The following ODR4 variants were observed in gnomAD, a reference collection of about 807,000 sequenced individuals.
ODR4 encodes the protein odr-4 GPCR localization factor homolog.
A neutral mutation model predicts 60.2 loss-of-function variants in ODR4; 47 were observed. The observed-to-expected ratio is 0.78, with a 90% CI of 0.62 to 1.00. The LOEUF is 1.00. Ranked by LOEUF, ODR4 falls within the 50% of genes least tolerant of loss-of-function variation. The pLI is 0.00. For missense variants in ODR4, 488 were observed against 530.8 expected (o/e 0.92, Z 0.79); for synonymous variants, 178 against 175.5 (o/e 1.01, Z -0.11).
At chr1:186,395,751 C>T (rs938947977) in intron 9 of ODR4, among the ~76,000 whole-genome samples, 10 of 152,078 alleles carry the variant, frequency 6.6e-5, no homozygotes, top group Admixed American at 6.6e-4. Context: ...TCTACTCTAT[C>T]CTGTTTATAC....
chr1:186,404,714 C>T (rs959563078), intron 11 of ODR4, among the ~76,000 whole-genome samples: 5 of 152,150 alleles, frequency 3.3e-5, no homozygotes, highest in Non-Finnish European at 5.9e-5. Context: ...GGAAGGAACA[C>T]GTAGTTTAAG....
intron 12 of ODR4, among the ~76,000 whole-genome samples, chr1:186,409,011 AGTT>A: frequency 1.3e-5 from 1 of 75,448 alleles, no homozygotes; most frequent in Non-Finnish European, 3.4e-5. Context: ...TTTAACAAAC[AGTT>A]AGTAACAGAG....
At chr1:186,430,592 A>G in the ODR4 span, among the ~76,000 whole-genome samples, 1 of 152,194 alleles carries the variant, frequency 6.6e-6, no homozygotes, top group African/African-American at 2.4e-5. Context: ...TTTAACAAAA[A>G]TAACCAACAT....
At chr1:186,380,443 T>C (rs1362659930) in intron 2 of ODR4, among the ~76,000 whole-genome samples, 1 of 152,136 alleles carries the variant, frequency 6.6e-6, no homozygotes, top group Non-Finnish European at 1.5e-5. Context: ...AATTTCCTCT[T>C]AGAGCTGAGT....
chr1:186,404,027 A>C (rs1398324077), intron 11 of ODR4, among the ~76,000 whole-genome samples: 1 of 152,218 alleles, frequency 6.6e-6, no homozygotes, highest in Non-Finnish European at 1.5e-5. Flanking sequence ...ATTCTAAAAA[A>C]AAATTCTATG....
At position 186,419,031 on chromosome 1, in the gene ODR4, T is replaced by TG. The variant is rs748400877; in HGVS notation, c.1321dup (p.Ala441GlyfsTer14). 2 of 1,609,942 alleles carry TG rather than the reference T, an allele frequency of 1.2e-6. No homozygotes were observed. The highest frequency in any genetic ancestry group is 8.5e-7 in the Non-Finnish European group (1 of 1,177,882). On this transcript the variant is annotated frameshift_variant, in exon 14 of 14. Coordinates refer to ENST00000287859, the MANE Select transcript of ODR4 (RefSeq NM_017847.6). LOFTEE classifies it high-confidence loss of function. ...TAGGTGTGATTGCAGCATTTACAGTTGCAGTCCTTGCTGCGGGTATCTCCT... is the reference window on the plus strand; with the variant it reads ...TAGGTGTGATTGCAGCATTTACAGTTGGCAGTCCTTGCTGCGGGTATCTCCT...
intron 12 of ODR4, among the ~76,000 whole-genome samples, chr1:186,407,635 C>A (rs1362821185): frequency 1.3e-5 from 2 of 152,142 alleles, no homozygotes; most frequent in Non-Finnish European, 2.9e-5. Context: ...GTAACCTATT[C>A]TTTCAGTAAT....
Position 186,383,027 on chromosome 1 carries a change from G to C in ODR4, c.105G>C (p.Ser35=). Residue 35 remains serine (S), a synonymous_variant, in exon 3 of 14, where the codon TCG becomes TCC. Transcript: ENST00000287859. ...FVSGLLIGQC[S]SQKDYVILAT... is the part of the protein sequence containing the mutation. ...TTTTTAATTTGTTGTTGAAGTGTTCGTCACAAAAGGATTATGTGATTCTTG... is the reference window on the plus strand; with the variant it reads ...TTTTTAATTTGTTGTTGAAGTGTTCCTCACAAAAGGATTATGTGATTCTTG... The C allele has an allele frequency of 6.3e-7, 1 of 1,582,954 alleles. No individual in the cohort carries two copies. The highest frequency in any genetic ancestry group is 1.2e-5 in the South Asian group (1 of 86,044).
At chr1:186,429,744 A>T in the ODR4 span, among the ~76,000 whole-genome samples, 27 of 152,116 alleles carry the variant, frequency 1.8e-4, no homozygotes, top group African/African-American at 5.6e-4. Flanking sequence ...ATGTTTGCTG[A>T]CTCTTACCTA....
At chr1:186,432,782 C>A in the ODR4 span, among the ~76,000 whole-genome samples, 1 of 151,076 alleles carries the variant, frequency 6.6e-6, no homozygotes. Context: ...GTGAATCTGG[C>A]AGATTTTTTT....
In ODR4 at chr1:186,398,869, G is replaced by A. The variant is rs187486738; in HGVS notation, c.910-85G>A. On this transcript the variant is annotated intron_variant, in intron 10 of 13. Transcript: ENST00000287859. ...TTAGTGGGCATGATTGTACTGGAAA[G>A]CAAATTATTTTTTTTGTTAGTTAAA... is the stretch of plus-strand genomic sequence containing the variant. 2.1e-4 allele frequency: 210 copies of A among 985,256 alleles called. 1 individual carries two copies. The East Asian group carries it at 3.6e-3, about 17-fold the overall frequency. The allele number at this position is 985,256 out of a possible 1,614,324, so 61.0% of individuals were successfully genotyped here. A position where few individuals can be genotyped will look rare whatever the true frequency, so the allele number is the denominator to read the frequency against.
intron 8 of ODR4, 114 bp downstream of exon 8, chr1:186,391,905 T>C: frequency 1.5e-6 from 1 of 662,362 alleles, no homozygotes; most frequent in South Asian, 1.9e-5. Flanking sequence ...CTCTCATTTC[T>C]GATTTCTGAT....
chr1:186,408,572 TTGTG>T (rs1322757349), intron 12 of ODR4, among the ~76,000 whole-genome samples: 5 of 149,870 alleles, frequency 3.3e-5, no homozygotes, highest in Admixed American at 6.7e-5. Flanking sequence ...TATAAACAAT[TTGTG>T]TATGTATGTA....
chr1:186,386,525 A>G (rs1263679627), intron 4 of ODR4, among the ~76,000 whole-genome samples: 1 of 152,164 alleles, frequency 6.6e-6, no homozygotes, highest in East Asian at 1.9e-4. Context: ...ATGATTAATT[A>G]TAATATTAAG....
chr1:186,417,450 A>G, intron 12 of ODR4, 94 bp from the exon 13 acceptor site: 1 of 713,084 alleles, frequency 1.4e-6, no homozygotes, highest in Non-Finnish European at 2.4e-6. Context: ...GAAAATGGTG[A>G]TGATCGTATA....
chr1:186,424,710 T>G (rs1381359656), downstream of ODR4, among the ~76,000 whole-genome samples: 10 of 152,048 alleles, frequency 6.6e-5, no homozygotes, highest in Admixed American at 5.9e-4. Flanking sequence ...TGGCAGTTAA[T>G]GGTGGCTATC....
Position 186,419,525 on chromosome 1 carries a change from G to A in ODR4, c.*449G>A, listed in dbSNP as rs1044591462. 1.9e-5 allele frequency: 3 copies of A among 155,738 alleles called. No individual in the cohort carries two copies. The highest frequency in any genetic ancestry group is 7.3e-5 in the African/African-American group (3 of 41,316). The allele number at this position is 155,738 out of a possible 1,614,324, so 9.6% of individuals were successfully genotyped here. ...GAGGGAGTTGGAGACCAGCCTGGAT[G>A]ACATAATGAGATTCTGTCTCTACTG... On this transcript the variant is annotated 3_prime_UTR_variant, in exon 14 of 14. Coordinates refer to ENST00000287859, the MANE Select transcript of ODR4 (RefSeq NM_017847.6).
Position 186,406,070 on chromosome 1 carries a change from CT to C in ODR4, c.1001-9del. ...ACCTATCTAAATATTGATAATATTT[CT>C]TTTCCTTTTAGATTCTGAAAAAGAG... On this transcript the variant is annotated splice_polypyrimidine_tract_variant and intron_variant, in intron 11 of 13. Coordinates refer to ENST00000287859, the MANE Select transcript of ODR4 (RefSeq NM_017847.6). 1 of 1,524,166 alleles carries C rather than the reference CT, an allele frequency of 6.6e-7. No individual in the cohort carries two copies. The highest frequency in any genetic ancestry group is 8.8e-7 in the Non-Finnish European group (1 of 1,133,324). The allele number at this position is 1,524,166 out of a possible 1,614,324, so 94.4% of individuals were successfully genotyped here. A position where few individuals can be genotyped will look rare whatever the true frequency, so the allele number is the denominator to read the frequency against.
At chr1:186,404,805 A>C (rs972816735) in intron 11 of ODR4, among the ~76,000 whole-genome samples, 1 of 152,182 alleles carries the variant, frequency 6.6e-6, no homozygotes, top group Non-Finnish European at 1.5e-5. Context: ...TAGTTTCTTG[A>C]CAACGAAGTC....
Sources: gnomAD v4.1 joint callset for allele counts (sites outside exome capture counted in the v4.1 genomes callset) on GRCh38, gnomAD v4.1.1 for gene constraint, MANE v1.5 for transcripts, NCBI Gene and HGNC (gene_info 2026-07-23, HGNC 2026-07-21) for gene names.